SPATA6: variants seen among roughly 807,000 people sequenced by gnomAD.
The protein encoded by SPATA6 is spermatogenesis-associated protein 6.
Under a neutral mutation model 65.3 loss-of-function variants are expected in SPATA6, and 56 were observed. The observed-to-expected ratio is 0.86, with a 90% CI of 0.69 to 1.07. The LOEUF is 1.07. Among genes scored for constraint, SPATA6 ranks in the 50% least tolerant of loss-of-function variants. The probability of loss-of-function intolerance (pLI) is 0.00; values close to 1 mark genes in which losing one functional copy is unlikely to be tolerated. For missense variants in SPATA6, 590 were observed against 594.8 expected, an observed-to-expected ratio of 0.99 and a Z score of 0.08; for synonymous variants, 199 against 213.2, an observed-to-expected ratio of 0.93 and a Z score of 0.58.
chr1:48,449,471 T>C (rs1656358708), intron 3 of SPATA6, among the ~76,000 whole-genome samples: 1 of 152,222 alleles, frequency 6.6e-6, no homozygotes, highest in African/African-American at 2.4e-5. Context: ...TATGTCTAAT[T>C]ATCAGTTTAT....
At chr1:48,362,965 T>A (rs1646862316) in intron 9 of SPATA6, among the ~76,000 whole-genome samples, 1 of 151,844 alleles carries the variant, frequency 6.6e-6, no homozygotes, top group African/African-American at 2.4e-5. Flanking sequence ...CCAAACAAAG[T>A]AGGAAACAAC....
the SPATA6 span, among the ~76,000 whole-genome samples, chr1:48,275,475 T>A: frequency 6.6e-6 from 1 of 152,102 alleles, no homozygotes; most frequent in African/African-American, 2.4e-5. Flanking sequence ...TGGCTGTGGG[T>A]TTGTCATTAA....
intron 4 of SPATA6, among the ~76,000 whole-genome samples, chr1:48,412,339 C>T (rs894129251): frequency 5.3e-5 from 8 of 152,004 alleles, no homozygotes; most frequent in African/African-American, 1.9e-4. Flanking sequence ...TAATATGCAA[C>T]ACACAAAAAC....
chr1:48,393,885 G>C (rs1285387678), intron 8 of SPATA6, among the ~76,000 whole-genome samples: 1 of 151,942 alleles, frequency 6.6e-6, no homozygotes, highest in Non-Finnish European at 1.5e-5. Flanking sequence ...CATCATGAAG[G>C]CCCTGTTCTC....
intron 9 of SPATA6, among the ~76,000 whole-genome samples, chr1:48,361,661 A>T (rs1463735194): frequency 6.6e-6 from 1 of 152,130 alleles, no homozygotes; most frequent in Non-Finnish European, 1.5e-5. Flanking sequence ...TTCTTCTCAG[A>T]CTCATTTCCC....
At chr1:48,343,598 T>A (rs1047029512) in intron 11 of SPATA6, among the ~76,000 whole-genome samples, 1 of 152,134 alleles carries the variant, frequency 6.6e-6, no homozygotes, top group Admixed American at 6.6e-5. Flanking sequence ...TAACTGCCAA[T>A]GAAAGACACA....
intron 8 of SPATA6, among the ~76,000 whole-genome samples, chr1:48,392,293 G>C (rs1333155850): frequency 6.6e-6 from 1 of 152,076 alleles, no homozygotes; most frequent in African/African-American, 2.4e-5. Flanking sequence ...GAGAGACAGA[G>C]TCTAACATAT....
intron 3 of SPATA6, among the ~76,000 whole-genome samples, chr1:48,445,097 C>A (rs1655887943): frequency 6.6e-6 from 1 of 152,160 alleles, no homozygotes; most frequent in Admixed American, 6.5e-5. Context: ...GAATAGGTAG[C>A]TGAAAATTCT....
chr1:48,449,666 T>C (rs1350671623), intron 3 of SPATA6, among the ~76,000 whole-genome samples: 5 of 152,188 alleles, frequency 3.3e-5, no homozygotes, highest in African/African-American at 9.7e-5. Flanking sequence ...CACACCTTGA[T>C]TGGATCCTGA....
intron 9 of SPATA6, among the ~76,000 whole-genome samples, chr1:48,376,616 A>G (rs1647938696): frequency 6.6e-6 from 1 of 151,694 alleles, no homozygotes; most frequent in South Asian, 2.1e-4. Flanking sequence ...AAAACATCAA[A>G]TTTTTCTCTA....
chr1:48,395,541 A>T (rs1337763203), intron 7 of SPATA6, among the ~76,000 whole-genome samples, 187 bp from the exon 8 acceptor site: 1 of 151,976 alleles, frequency 6.6e-6, no homozygotes, highest in Admixed American at 6.6e-5. Context: ...GCAAAATAAA[A>T]TTGAAATTTA....
Position 48,314,875 on chromosome 1 carries a change from G to C in SPATA6, c.1195-8997C>G, listed in dbSNP as rs151051898. 8.7e-3 allele frequency among the ~76,000 whole-genome samples: 1,321 copies of C among 152,034 alleles called. 22 individuals are homozygous for C. The highest frequency in any genetic ancestry group is 0.03 in the African/African-American group (1,263 of 41,492). The stretch of plus-strand genomic sequence containing the variant: ...ATAAAGGGGATATCACCACCGATCC[G>C]ACAGAAATACAAACTACCATCAGAG... On this transcript the variant is annotated intron_variant, in intron 11 of 12. Transcript: ENST00000371847.
downstream of SPATA6, among the ~76,000 whole-genome samples, chr1:48,292,304 G>A (rs1245454192): frequency 1.3e-5 from 2 of 152,212 alleles, no homozygotes; most frequent in Non-Finnish European, 2.9e-5. Context: ...CTGTGTCCAG[G>A]AGGGACAGGA....
At chr1:48,385,429 T>C in intron 8 of SPATA6, 80 bp from the exon 9 acceptor site, 3 of 1,250,080 alleles carry the variant, frequency 2.4e-6, no homozygotes, top group South Asian at 2.8e-5. Flanking sequence ...GTTTCTACAA[T>C]TATAATTCAC....
the SPATA6 span, among the ~76,000 whole-genome samples, chr1:48,261,859 C>T: frequency 6.6e-6 from 1 of 152,084 alleles, no homozygotes; most frequent in African/African-American, 2.4e-5. Flanking sequence ...GACACATTTT[C>T]TCTTCATACC....
chr1:48,426,134 A>G (rs761156780), intron 3 of SPATA6, among the ~76,000 whole-genome samples: 35 of 152,324 alleles, frequency 2.3e-4, no homozygotes, highest in Non-Finnish European at 2.2e-4. Context: ...ATTAATAAGA[A>G]CAGAACAAAC....
In SPATA6 at chr1:48,432,630, A is replaced by G. The variant is rs539148124; in HGVS notation, c.238+18922T>C. ...AGGGCTATCAAAACAACAGAAAACA[A>G]CAAGTGTTGGTGAGGATGTGAAGAA... is the stretch of plus-strand genomic sequence containing the variant. On this transcript the variant is annotated intron_variant, in intron 3 of 12. Transcript: ENST00000371847. Among the ~76,000 whole-genome samples the G allele has an allele frequency of 6.6e-5, 10 of 152,326 alleles. No homozygotes were observed. The South Asian group carries it at 2.1e-3, about 32-fold the overall frequency.
At chr1:48,334,852 G>A (rs1168044456) in intron 11 of SPATA6, among the ~76,000 whole-genome samples, 1 of 152,110 alleles carries the variant, frequency 6.6e-6, no homozygotes, top group African/African-American at 2.4e-5. Flanking sequence ...CTATCCCTGT[G>A]TGTATATGAC....
At chr1:48,321,931 A>G (rs1168602375) in intron 11 of SPATA6, among the ~76,000 whole-genome samples, 1 of 152,208 alleles carries the variant, frequency 6.6e-6, no homozygotes, top group Non-Finnish European at 1.5e-5. Context: ...TAAACATATT[A>G]AGAAGAAAAT....
Sources: allele counts gnomAD v4.1 joint callset (sites outside exome capture counted in the v4.1 genomes callset), GRCh38; gene constraint gnomAD v4.1.1; transcripts MANE v1.5; gene names NCBI Gene and HGNC (gene_info 2026-07-23, HGNC 2026-07-21).